The following VAV2 variants were observed in gnomAD, a reference collection of about 807,000 sequenced individuals.
VAV2 encodes the protein vav guanine nucleotide exchange factor 2, also known as guanine nucleotide exchange factor VAV2.
VAV2 carries 67 observed loss-of-function variants against 132.5 expected under a neutral mutation model. The ratio of observed to expected loss-of-function variants is 0.51; its 90% confidence interval spans 0.42 to 0.62. VAV2 has a LOEUF of 0.62. Among genes scored for constraint, VAV2 ranks in the 20% least tolerant of loss-of-function variants. The pLI is 0.00. For synonymous variants in VAV2, 492 were observed against 443.5 expected (o/e 1.11, Z -1.37); for missense variants, 938 against 1,153.6 (o/e 0.81, Z 2.71).
At chr9:133,797,890 C>T in intron 9 of VAV2, 81 bp from the exon 10 acceptor site, 1 of 1,387,628 alleles carries the variant, frequency 7.2e-7, no homozygotes, top group Non-Finnish European at 9.9e-7. Flanking sequence ...CCATTTTTCC[C>T]AGCAGGCTGT....
chr9:133,769,628 G>T lies in VAV2; in HGVS notation c.2348-125C>A, dbSNP rs1166875905. The T allele has an allele frequency of 2.9e-6, 3 of 1,018,868 alleles. No individual in the cohort carries two copies. The highest frequency in any genetic ancestry group is 2.7e-5 in the East Asian group (1 of 37,188). The allele number at this position is 1,018,868 out of a possible 1,614,324, so 63.1% of individuals were successfully genotyped here. A position where few individuals can be genotyped will look rare whatever the true frequency, so the allele number is the denominator to read the frequency against. Reference sequence around the variant, plus strand: ...CCCTTTGGCAGGAGAGGCCCTACAGGGGGGCAAAGGAGGCAGGGGGCAGCA... The same window carrying T: ...CCCTTTGGCAGGAGAGGCCCTACAGTGGGGCAAAGGAGGCAGGGGGCAGCA... On this transcript the variant is annotated intron_variant, in intron 27 of 29. Coordinates refer to ENST00000371850, the MANE Select transcript of VAV2 (RefSeq NM_001134398.2). The surrounding 1 kb of genome is among the most constrained non-coding windows in gnomAD (Gnocchi z 8.1).
At chr9:133,939,033 C>T (rs1010224886) in intron 2 of VAV2, 70 bp downstream of exon 2, 14 of 1,429,234 alleles carry the variant, frequency 9.8e-6, no homozygotes, top group African/African-American at 8.4e-5. Flanking sequence ...GGATCTGGCC[C>T]ACCTGCCGCT....
rs533567124 is a variant in VAV2, at chr9:133,806,476, C to T, written c.736-295G>A. 3.9e-5 allele frequency among the ~76,000 whole-genome samples: 6 copies of T among 152,310 alleles called. No homozygotes were observed. In the East Asian group the frequency reaches 7.7e-4, roughly 20 times the overall value. On this transcript the variant is annotated intron_variant, in intron 8 of 29. Coordinates refer to ENST00000371850, the MANE Select transcript of VAV2 (RefSeq NM_001134398.2). Reference sequence around the variant, plus strand: ...GGCGGGCTCTGCAGACAGCGTGGGGCGGCACAGCGCAGTACTCCTGTGCTC... The same window carrying T: ...GGCGGGCTCTGCAGACAGCGTGGGGTGGCACAGCGCAGTACTCCTGTGCTC...
intron 2 of VAV2, 113 bp downstream of exon 2, chr9:133,938,990 G>A: frequency 3.1e-6 from 3 of 962,038 alleles, no homozygotes; most frequent in Non-Finnish European, 5.0e-6. Context: ...GAAATCCACT[G>A]GCTCTGTGTT....
At chr9:133,951,131 G>C (rs1435189118) in intron 1 of VAV2, among the ~76,000 whole-genome samples, 2 of 152,204 alleles carry the variant, frequency 1.3e-5, no homozygotes, top group African/African-American at 4.8e-5. Flanking sequence ...AAGCAGGGGG[G>C]TAAAACTGAG....
At chr9:133,939,762 T>A (rs544763330) in intron 1 of VAV2, among the ~76,000 whole-genome samples, 1 of 152,262 alleles carries the variant, frequency 6.6e-6, no homozygotes, top group Non-Finnish European at 1.5e-5. Context: ...CACCAACACA[T>A]CCTTCCTAAT....
At chr9:133,835,585 C>T (rs1201458147) in intron 3 of VAV2, among the ~76,000 whole-genome samples, 1 of 152,218 alleles carries the variant, frequency 6.6e-6, no homozygotes, top group Admixed American at 6.5e-5. Context: ...TGGTAGGAAA[C>T]CTGTCACTAA....
intron 20 of VAV2, among the ~76,000 whole-genome samples, chr9:133,780,397 G>C (rs928581444): frequency 6.6e-6 from 1 of 152,210 alleles, no homozygotes; most frequent in Admixed American, 6.5e-5. Flanking sequence ...CCAACTGGGG[G>C]ACTCGGGGGC....
At chr9:133,800,951 G>C (rs181230493) in intron 9 of VAV2, among the ~76,000 whole-genome samples, 9 of 152,344 alleles carry the variant, frequency 5.9e-5, no homozygotes, top group Admixed American at 2.6e-4. Context: ...CAAGGAGATA[G>C]GTCAAAGGGC....
At chr9:133,764,744 T>C (rs1313001467) in intron 29 of VAV2, among the ~76,000 whole-genome samples, 7 of 152,082 alleles carry the variant, frequency 4.6e-5, no homozygotes, top group Admixed American at 3.9e-4. Flanking sequence ...ACACATAAAA[T>C]TGTGGAAATA....
chr9:133,944,212 G>A (rs2132154725), intron 1 of VAV2, among the ~76,000 whole-genome samples: 1 of 152,322 alleles, frequency 6.6e-6, no homozygotes, highest in Admixed American at 6.5e-5. Flanking sequence ...AGCCCACCGA[G>A]AGCAGGGGCG....
intron 2 of VAV2, among the ~76,000 whole-genome samples, chr9:133,920,761 C>A (rs1000045536): frequency 6.6e-6 from 1 of 152,126 alleles, no homozygotes; most frequent in Admixed American, 6.5e-5. Flanking sequence ...GGGCAACATA[C>A]TGGCCGCCTG....
At chr9:133,981,256 C>A (rs960202138) in intron 1 of VAV2, among the ~76,000 whole-genome samples, 16 of 152,224 alleles carry the variant, frequency 1.1e-4, no homozygotes, top group African/African-American at 3.9e-4. Context: ...ATTCTGCTTG[C>A]CCCAGAATGC....
In VAV2 at chr9:133,833,240, T is replaced by C. The variant is rs1836331910; in HGVS notation, c.449+1032A>G. Among the ~76,000 whole-genome samples the C allele has an allele frequency of 6.6e-6, 1 of 152,184 alleles. No individual in the cohort carries two copies. Reference sequence around the variant, plus strand: ...AGGGATCCTGCGGAAAGTATTTTCCTGGGCCCTGCAAGCTAAAGGCAGCCC... The same window carrying C: ...AGGGATCCTGCGGAAAGTATTTTCCCGGGCCCTGCAAGCTAAAGGCAGCCC... On this transcript the variant is annotated intron_variant, in intron 4 of 29. Coordinates refer to ENST00000371850, the MANE Select transcript of VAV2 (RefSeq NM_001134398.2). This position sits in a 1 kb window ranked among gnomAD's most constrained non-coding sequence, Gnocchi z 5.6.
rs890241039 is a variant in VAV2, at chr9:133,823,964, C to G, written c.449+10308G>C. Among the ~76,000 whole-genome samples, 1 of 152,138 alleles carries G rather than the reference C, an allele frequency of 6.6e-6. No homozygotes were observed. The highest frequency in any genetic ancestry group is 1.5e-5 in the Non-Finnish European group (1 of 68,030). ...CGATCTCCCACTGAGAAGGAACAAA[C>G]GGCCTCTCCCTCAGTGGTGGGGGTG... On this transcript the variant is annotated intron_variant, in intron 4 of 29. Transcript: ENST00000371850. This position sits in a 1 kb window ranked among gnomAD's most constrained non-coding sequence, Gnocchi z 5.5.
chr9:133,765,329 T>TA (rs1160370005), intron 29 of VAV2, among the ~76,000 whole-genome samples: 8 of 152,210 alleles, frequency 5.3e-5, no homozygotes, highest in African/African-American at 1.9e-4. Context: ...AATATAATCT[T>TA]AAACACATGA....
chr9:133,984,261 A>G (rs1300111105), intron 1 of VAV2, among the ~76,000 whole-genome samples: 1 of 151,206 alleles, frequency 6.6e-6, no homozygotes, highest in East Asian at 1.9e-4. Context: ...GGCGTGAGCC[A>G]CTGTACCTAG....
At position 133,969,019 on chromosome 9, in the gene VAV2, A is replaced by G. The variant is rs1043016933; in HGVS notation, c.204+23056T>C. The stretch of plus-strand genomic sequence containing the variant: ...AAAACCACTCTTTCCACAGGCAAAA[A>G]CCACTTAAAAATAAGAGACAACTGT... On this transcript the variant is annotated intron_variant, in intron 1 of 29. Transcript: ENST00000371850. This position sits in a 1 kb window ranked among gnomAD's most constrained non-coding sequence, Gnocchi z 5.1. 4.6e-5 allele frequency among the ~76,000 whole-genome samples: 7 copies of G among 152,098 alleles called. No individual in the cohort carries two copies. Among genetic ancestry groups the G allele is most frequent in the Non-Finnish European group, 1.0e-4 (7 of 68,018 alleles).
chr9:133,814,794 G>A (rs187111282), intron 4 of VAV2, among the ~76,000 whole-genome samples: 21 of 152,144 alleles, frequency 1.4e-4, no homozygotes, highest in Admixed American at 1.3e-3. Context: ...GGTTGCTGAC[G>A]ACATGCAACG....
Sources: gnomAD v4.1 joint callset for allele counts (sites outside exome capture counted in the v4.1 genomes callset) on GRCh38, gnomAD v4.1.1 for gene constraint, Gnocchi (gnomAD v3.1) non-coding constraint, MANE v1.5 for transcripts, NCBI Gene and HGNC (gene_info 2026-07-23, HGNC 2026-07-21) for gene names.